ZZEF1: variants seen among roughly 807,000 people sequenced by gnomAD.
The protein encoded by ZZEF1 is zinc finger ZZ-type and EF-hand domain containing 1, also known as zinc finger ZZ-type and EF-hand domain-containing protein 1.
Under a neutral mutation model 342.8 loss-of-function variants are expected in ZZEF1, and 157 were observed. The ratio of observed to expected loss-of-function variants is 0.46; its 90% CI spans 0.40 to 0.52. ZZEF1 has a LOEUF of 0.52. ZZEF1 is among the 20% of genes least tolerant of loss of function. The pLI, the probability that ZZEF1 is intolerant of heterozygous loss-of-function variation, is 0.00. For synonymous variants in ZZEF1, 1,505 were observed against 1,429.1 expected (o/e 1.05, Z -1.20); for missense variants, 3,480 against 3,725.6 (o/e 0.93, Z 1.72).
At chr17:4,098,406 T>C (rs1158771039) in intron 9 of ZZEF1, among the ~76,000 whole-genome samples, 2 of 152,122 alleles carry the variant, frequency 1.3e-5, no homozygotes, top group African/African-American at 2.4e-5. Flanking sequence ...AGTGAGACCC[T>C]GTCTCAAATG....
chr17:4,053,683 A>G (rs1355051686), intron 34 of ZZEF1, among the ~76,000 whole-genome samples: 1 of 152,314 alleles, frequency 6.6e-6, no homozygotes, highest in South Asian at 2.1e-4. Context: ...CAGCACCTAG[A>G]AGTCAAGTGT....
intron 28 of ZZEF1, among the ~76,000 whole-genome samples, chr17:4,066,222 G>C (rs1345717695): frequency 6.6e-6 from 1 of 152,170 alleles, no homozygotes; most frequent in Non-Finnish European, 1.5e-5. Context: ...TAAGAGAAGT[G>C]ATTAGAAAGA....
intron 52 of ZZEF1, among the ~76,000 whole-genome samples, chr17:4,011,240 A>G (rs949723238): frequency 6.6e-6 from 1 of 152,102 alleles, no homozygotes; most frequent in Non-Finnish European, 1.5e-5. Context: ...CATCTCCATA[A>G]AAAAACAGAA....
chr17:4,105,083 A>G (rs2058189158), intron 7 of ZZEF1, among the ~76,000 whole-genome samples: 1 of 152,284 alleles, frequency 6.6e-6, no homozygotes, highest in South Asian at 2.1e-4. Context: ...TCTGCTATTA[A>G]GAAGCCTTGG....
At position 4,088,787 on chromosome 17, in the gene ZZEF1, T is replaced by G; in HGVS notation, c.2132A>C (p.Glu711Ala). ...GYLRPARAEA[E>A]QSVTCAHCRK... ...GCAGTGTGCACAGGTGACGCTCTGT[T>G]CTGCTTCTGCTCTTGCAGGCCGGAG... The change falls in exon 13 of 55, where the codon GAA (glutamate) becomes GCA (alanine). Residue 711 changes from glutamate (E) to alanine (A), a missense_variant. Coordinates refer to ENST00000381638, the MANE Select transcript of ZZEF1 (RefSeq NM_015113.4). 3.1e-6 allele frequency: 5 copies of G among 1,614,210 alleles called. No homozygotes were observed. Among genetic ancestry groups the G allele is most frequent in the Non-Finnish European group, 3.4e-6 (4 of 1,180,040 alleles).
intron 26 of ZZEF1, 41 bp from the exon 27 acceptor site, chr17:4,067,283 A>G: frequency 6.6e-7 from 1 of 1,505,646 alleles, no homozygotes; most frequent in Non-Finnish European, 9.2e-7. Context: ...TTCAGGTAAC[A>G]CAATTCACTA....
intron 16 of ZZEF1, among the ~76,000 whole-genome samples, chr17:4,085,343 G>A (rs2057798965): frequency 6.6e-6 from 1 of 152,160 alleles, no homozygotes; most frequent in Non-Finnish European, 1.5e-5. Flanking sequence ...TATTTAGTTA[G>A]CTTTGGTATT....
chr17:4,018,567 G>C (rs910867315), intron 46 of ZZEF1, among the ~76,000 whole-genome samples: 2 of 152,218 alleles, frequency 1.3e-5, no homozygotes, highest in Non-Finnish European at 2.9e-5. Flanking sequence ...CTGACACACA[G>C]AAAACAGAAG....
At chr17:4,027,286 C>CTGTTTTTTTT (rs2056430128) in intron 42 of ZZEF1, among the ~76,000 whole-genome samples, 1 of 67,998 alleles carries the variant, frequency 1.5e-5, no homozygotes, top group African/African-American at 6.7e-5. Flanking sequence ...CAATATCTCA[C>CTGTTTTTTTT]TTTTTTTTTT....
intron 14 of ZZEF1, among the ~76,000 whole-genome samples, chr17:4,086,915 C>A (rs1335945052): frequency 1.3e-5 from 2 of 152,152 alleles, no homozygotes; most frequent in Non-Finnish European, 2.9e-5. Flanking sequence ...CCGAGTCTCA[C>A]TCTGTCTCCC....
chr17:4,021,108 C>T (rs756359522), intron 45 of ZZEF1, 21 bp downstream of exon 45: 12 of 1,576,736 alleles, frequency 7.6e-6, no homozygotes, highest in Non-Finnish European at 1.0e-5. Context: ...TCCTAAGCCA[C>T]AAGATGACTC....
intron 26 of ZZEF1, among the ~76,000 whole-genome samples, chr17:4,068,121 T>G (rs1308321122): frequency 6.6e-6 from 1 of 152,150 alleles, no homozygotes; most frequent in East Asian, 1.9e-4. Context: ...TACACATATA[T>G]ATATACAAAT....
chr17:4,066,924 C>T (rs9892804), intron 27 of ZZEF1, among the ~76,000 whole-genome samples: 23,616 of 152,118 alleles, frequency 0.16, 2,021 homozygotes, highest in African/African-American at 0.22. Context: ...GCCAACTCTA[C>T]GGAGTTCCAC....
chr17:4,057,983 C>T lies in ZZEF1; in HGVS notation c.5165+11G>A, dbSNP rs148064151. On this transcript the variant is annotated intron_variant, in intron 32 of 54. Coordinates refer to ENST00000381638, the MANE Select transcript of ZZEF1 (RefSeq NM_015113.4). ...CATTAGGAACTGCAGAGCGCAGGAC[C>T]GTGCTCTTACCTGATCACACTGTCA... 3.4e-4 allele frequency: 542 copies of T among 1,613,248 alleles called. 5 individuals are homozygous for T. In the East Asian group the frequency reaches 8.1e-3, roughly 24 times the overall value.
Position 4,008,695 on chromosome 17 carries a change from T to G in ZZEF1, c.8805+188A>C. 7.3e-7 allele frequency: 1 copy of G among 1,362,532 alleles called. No homozygotes were observed. The highest frequency in any genetic ancestry group is 9.5e-7 in the Non-Finnish European group (1 of 1,057,726). 84.4% of individuals were successfully genotyped at this position (1,362,532 alleles called of 1,614,324 possible). A position where few individuals can be genotyped will look rare whatever the true frequency, so the allele number is the denominator to read the frequency against. ...CCCCACAGTTTAGAGTGAATGACTC[T>G]GATAAATGGGGCTCGTGCATGCTCT... On this transcript the variant is annotated intron_variant, in intron 54 of 54. Coordinates refer to ENST00000381638, the MANE Select transcript of ZZEF1 (RefSeq NM_015113.4). This position sits in a 1 kb window ranked among gnomAD's most constrained non-coding sequence, Gnocchi z 4.2.
Position 4,088,687 on chromosome 17 carries a change from G to A in ZZEF1, c.2232C>T (p.Ala744=), listed in dbSNP as rs750334167. 6.2e-7 allele frequency: 1 copy of A among 1,613,682 alleles called. No individual in the cohort carries two copies. The highest frequency in any genetic ancestry group is 2.2e-5 in the East Asian group (1 of 44,882). ...ACTGAGGAAGCCCTACCAGGTCATG[G>A]GCGAGCTGCTGGATAAACTGAAGGG... ...LRTLQFIQQL[A]HDLVQQKESG... The change falls in exon 13 of 55, where the codon GCC becomes GCT. Residue 744 remains alanine (A), a synonymous_variant. Coordinates refer to ENST00000381638, the MANE Select transcript of ZZEF1 (RefSeq NM_015113.4).
Position 4,075,274 on chromosome 17 carries a change from T to C in ZZEF1, c.3390A>G (p.Glu1130=). The change falls in exon 22 of 55, where the codon GAA becomes GAG. Residue 1130 remains glutamate (E), a synonymous_variant. Transcript: ENST00000381638. ...TATAGAAGTCTTACCTTTTTTCAGT[T>C]TCACACCTGTCATCGAATTCCACTT... ...YFEVEFDDRC[E]TEKRYDYLEF... is the part of the protein sequence containing the mutation. The C allele has an allele frequency of 6.2e-7, 1 of 1,614,188 alleles. No individual in the cohort carries two copies. The highest frequency in any genetic ancestry group is 1.3e-5 in the African/African-American group (1 of 75,042).
At chr17:4,115,179 G>A (rs1055772409) in intron 3 of ZZEF1, among the ~76,000 whole-genome samples, 6 of 151,890 alleles carry the variant, frequency 4.0e-5, no homozygotes, top group African/African-American at 9.7e-5. Flanking sequence ...GCACCACCAC[G>A]CCTGGCTAAT....
intron 3 of ZZEF1, among the ~76,000 whole-genome samples, chr17:4,115,852 A>G (rs1470377409): frequency 1.3e-5 from 2 of 152,184 alleles, no homozygotes; most frequent in African/African-American, 4.8e-5. Flanking sequence ...GTTAATTTTC[A>G]TACAGACTAA....
Sources: allele counts gnomAD v4.1 joint callset (sites outside exome capture counted in the v4.1 genomes callset), GRCh38; gene constraint gnomAD v4.1.1; non-coding constraint Gnocchi (gnomAD v3.1); transcripts MANE v1.5; gene names NCBI Gene and HGNC (gene_info 2026-07-23, HGNC 2026-07-21).